The following ARSF variants were observed in gnomAD, a reference collection of about 807,000 sequenced individuals.
ARSF encodes the protein arylsulfatase F.
A neutral mutation model predicts 35.4 loss-of-function variants in ARSF; 33 were observed. The ratio of observed to expected loss-of-function variants is 0.93; its 90% CI spans 0.71 to 1.25. ARSF has a LOEUF of 1.25. Among genes scored for constraint, ARSF ranks in the 50% most tolerant of loss-of-function variants. The probability of loss-of-function intolerance (pLI) is 0.00; values close to 1 mark genes in which losing one functional copy is unlikely to be tolerated. For missense variants in ARSF, 501 were observed against 480.2 expected (o/e 1.04, Z -0.40); for synonymous variants, 222 against 193.1 (o/e 1.15, Z -1.24).
chrX:3,098,047 A>AACACACACACACAC lies in ARSF; in HGVS notation c.968-3012_968-2999dup, dbSNP rs3032523. Among the ~76,000 whole-genome samples the AACACACACACACAC allele has an allele frequency of 3.6e-3, 320 of 88,078 alleles. 4 individuals are homozygous for AACACACACACACAC. The highest frequency in any genetic ancestry group is 0.014 in the Middle Eastern group (2 of 145). The allele number at this position is 88,078 out of a possible 115,157, so 76.5% of individuals were successfully genotyped here. On this transcript the variant is annotated intron_variant, in intron 7 of 10. Transcript: ENST00000381127. ...TATATATATATACACATACACACAC[A>AACACACACACACAC]ACACACACACACACACACACACACA...
chrX:3,086,614 G>A (rs980698042), intron 6 of ARSF, among the ~76,000 whole-genome samples: 4 of 108,785 alleles, frequency 3.7e-5, no homozygotes, highest in African/African-American at 6.7e-5. Context: ...TCTGGAGATT[G>A]AGACCAGCCA....
intron 8 of ARSF, among the ~76,000 whole-genome samples, chrX:3,101,915 G>A (rs1400734552): frequency 8.9e-6 from 1 of 111,907 alleles, no homozygotes; most frequent in Non-Finnish European, 1.9e-5. Flanking sequence ...AGATTTTAAA[G>A]TATTTTCTAG....
chrX:3,084,619 A>G lies in ARSF; in HGVS notation c.783A>G (p.Glu261=). 1.7e-6 allele frequency: 2 copies of G among 1,197,933 alleles called. No homozygotes were observed. The highest frequency in any genetic ancestry group is 2.3e-6 in the Non-Finnish European group (2 of 887,374). ...TCACGGAGCAGCCCATGAAGGCTGA[A>G]CGAGCTGGATCCATTATGGTGAAGG... The part of the protein sequence containing the change: ...HEITEQPMKA[E]RAGSIMVKEA... The change falls in exon 6 of 11, where the codon GAA becomes GAG. Residue 261 remains glutamate (E), a synonymous_variant. Coordinates refer to ENST00000381127, the MANE Select transcript of ARSF (RefSeq NM_001201539.2).
chrX:3,097,734 A>C (rs780656112), intron 7 of ARSF, among the ~76,000 whole-genome samples: 1 of 112,266 alleles, frequency 8.9e-6, no homozygotes, highest in Non-Finnish European at 1.9e-5. Context: ...AAAATAAAGT[A>C]TCATAAATTG....
intron 9 of ARSF, among the ~76,000 whole-genome samples, chrX:3,105,408 A>G (rs1350737979): frequency 1.8e-5 from 2 of 112,539 alleles, no homozygotes; most frequent in African/African-American, 6.5e-5. Flanking sequence ...CTGCCTGGAA[A>G]GAAGTTAGTC....
At position 3,083,220 on chromosome X, in the gene ARSF, T is replaced by A. The variant is rs186338447; in HGVS notation, c.407-1023T>A. Among the ~76,000 whole-genome samples the A allele has an allele frequency of 2.1e-4, 23 of 111,486 alleles. No homozygotes were observed. The East Asian group carries it at 3.9e-3, about 19-fold the overall frequency. On this transcript the variant is annotated intron_variant, in intron 5 of 10. Coordinates refer to ENST00000381127, the MANE Select transcript of ARSF (RefSeq NM_001201539.2). The stretch of plus-strand genomic sequence containing the variant: ...CATCTATCCATCCATCATTTATTTG[T>A]ATCTATCATATTTATCACATCTATC...
intron 7 of ARSF, among the ~76,000 whole-genome samples, chrX:3,098,953 C>A (rs1569146513): frequency 9.1e-6 from 1 of 109,983 alleles, no homozygotes; most frequent in Non-Finnish European, 1.9e-5. Flanking sequence ...AAAAACAACT[C>A]CCGTGTCCCC....
In ARSF at chrX:3,111,989, A is replaced by G. The variant is rs564392137; in HGVS notation, c.1391-185A>G. On this transcript the variant is annotated intron_variant, in intron 10 of 10. Coordinates refer to ENST00000381127, the MANE Select transcript of ARSF (RefSeq NM_001201539.2). Reference sequence around the variant, plus strand: ...CGATAGGGAATGGCTGTAAATACAGAGATAAAGCTTCGCTCTCTCCCCCAA... The same window carrying G: ...CGATAGGGAATGGCTGTAAATACAGGGATAAAGCTTCGCTCTCTCCCCCAA... 2.3e-4 allele frequency among the ~76,000 whole-genome samples: 26 copies of G among 111,255 alleles called. No homozygotes were observed. The South Asian group carries it at 1.0e-2, about 43-fold the overall frequency.
chrX:3,076,133 CTT>C (rs1354923282), intron 3 of ARSF, among the ~76,000 whole-genome samples: 16 of 107,792 alleles, frequency 1.5e-4, no homozygotes, highest in Non-Finnish European at 1.9e-4. Context: ...CTCTCTCTCT[CTT>C]GTCTTCTCTC....
intron 6 of ARSF, among the ~76,000 whole-genome samples, chrX:3,085,383 C>T (rs1382248109): frequency 9.5e-6 from 1 of 105,208 alleles, no homozygotes; most frequent in African/African-American, 3.4e-5. Flanking sequence ...ATCTGGAAAT[C>T]AGATGAAAAA....
intron 1 of ARSF, among the ~76,000 whole-genome samples, chrX:3,049,723 T>A (rs1232610404): frequency 1.8e-5 from 2 of 111,502 alleles, no homozygotes; most frequent in African/African-American, 6.5e-5. Flanking sequence ...TCCCCTTGGC[T>A]TGGGGATTTT....
At chrX:3,101,352 A>G in intron 8 of ARSF, 131 bp downstream of exon 8, 1 of 789,225 alleles carries the variant, frequency 1.3e-6, no homozygotes, top group Non-Finnish European at 1.8e-6. Context: ...GACTCTTAGT[A>G]AAATGAAGTA....
At chrX:3,093,002 C>G (rs1380308651) in intron 7 of ARSF, among the ~76,000 whole-genome samples, 2 of 110,271 alleles carry the variant, frequency 1.8e-5, no homozygotes, top group African/African-American at 6.8e-5. Flanking sequence ...GAAACCCCGT[C>G]TCTACTAAAT....
intron 8 of ARSF, among the ~76,000 whole-genome samples, chrX:3,101,461 C>A (rs1365127213): frequency 9.0e-6 from 1 of 111,549 alleles, no homozygotes; most frequent in Admixed American, 9.6e-5. Flanking sequence ...GCCTTTCTGA[C>A]AACCCTATCA....
chrX:3,092,899 G>A (rs898910091), intron 7 of ARSF, among the ~76,000 whole-genome samples: 5 of 112,260 alleles, frequency 4.5e-5, no homozygotes, highest in South Asian at 3.7e-4. Flanking sequence ...GTGGCCGGGC[G>A]CGGTGGCTCA....
chrX:3,062,892 C>G lies in ARSF; in HGVS notation c.-28-5181C>G, dbSNP rs192582785. ...CCAGAGGTACAAAGAGGAGCTGGTA[C>G]CATTACTTCTGAAACTATTCCAATC... On this transcript the variant is annotated intron_variant, in intron 1 of 10. Transcript: ENST00000381127. Among the ~76,000 whole-genome samples, 237 of 111,741 alleles carry G rather than the reference C, an allele frequency of 2.1e-3. 1 individual carries two copies. The highest frequency in any genetic ancestry group is 7.5e-3 in the African/African-American group (230 of 30,780).
Position 3,084,614 on chromosome X carries a change from G to T in ARSF, c.778G>T (p.Ala260Ser). ...GHEITEQPMKAERAGSIMVKE... is the reference protein window; with the variant it reads ...GHEITEQPMKSERAGSIMVKE... ...CGAGATCACGGAGCAGCCCATGAAG[G>T]CTGAACGAGCTGGATCCATTATGGT... The change falls in exon 6 of 11, where the codon GCT becomes TCT. Residue 260 changes from alanine (A) to serine (S), a missense_variant. Coordinates refer to ENST00000381127, the MANE Select transcript of ARSF (RefSeq NM_001201539.2). 1 of 1,197,913 alleles carries T rather than the reference G, an allele frequency of 8.3e-7. No individual in the cohort carries two copies. Among genetic ancestry groups the T allele is most frequent in the Middle Eastern group, 2.3e-4 (1 of 4,271 alleles).
intron 1 of ARSF, among the ~76,000 whole-genome samples, chrX:3,060,808 A>G (rs2090038708): frequency 8.9e-6 from 1 of 111,852 alleles, no homozygotes; most frequent in Non-Finnish European, 1.9e-5. Flanking sequence ...GAGATATGGG[A>G]CTATGTGAAA....
intron 1 of ARSF, among the ~76,000 whole-genome samples, chrX:3,051,678 C>T (rs1025372161): frequency 9.0e-6 from 1 of 111,682 alleles, no homozygotes; most frequent in Non-Finnish European, 1.9e-5. Context: ...ATGGTGTACA[C>T]TTTCCTTTAT....
Sources: allele counts gnomAD v4.1 joint callset (sites outside exome capture counted in the v4.1 genomes callset), GRCh38; gene constraint gnomAD v4.1.1; transcripts MANE v1.5; gene names NCBI Gene and HGNC (gene_info 2026-07-23, HGNC 2026-07-21).